The following DPH6 variants were observed in gnomAD, a reference collection of about 807,000 sequenced individuals.
DPH6 encodes diphthamine biosynthesis 6.
DPH6 carries 33 observed loss-of-function variants against 38.2 expected under a neutral mutation model. The ratio of observed to expected loss-of-function variants is 0.86; its 90% CI spans 0.65 to 1.15. The LOEUF (loss-of-function observed/expected upper bound fraction) is 1.15. Among genes scored for constraint, DPH6 ranks in the 50% most tolerant of loss-of-function variants. The pLI is 0.00. For synonymous variants in DPH6, 108 were observed against 103.0 expected (o/e 1.05, Z -0.30); for missense variants, 325 against 320.0 (o/e 1.02, Z -0.12).
intron 3 of DPH6, among the ~76,000 whole-genome samples, chr15:35,273,483 T>C (rs567930305): frequency 1.3e-5 from 2 of 152,352 alleles, no homozygotes; most frequent in Admixed American, 6.5e-5. Flanking sequence ...CATGGTTGTA[T>C]ATATTAGAAA....
At chr15:35,501,104 T>A (rs557495067) in intron 3 of DPH6, among the ~76,000 whole-genome samples, 9 of 152,334 alleles carry the variant, frequency 5.9e-5, no homozygotes, top group African/African-American at 1.9e-4. Flanking sequence ...GAATTTCTCA[T>A]TTCAGAAGAT....
At chr15:35,435,736 A>T (rs1271523415) in intron 5 of DPH6, among the ~76,000 whole-genome samples, 1 of 152,096 alleles carries the variant, frequency 6.6e-6, no homozygotes. Flanking sequence ...AGGAGCAAAA[A>T]ATCTTGCATC....
chr15:35,222,769 T>C (rs986185699), intron 3 of DPH6, among the ~76,000 whole-genome samples: 5 of 152,208 alleles, frequency 3.3e-5, no homozygotes, highest in Admixed American at 3.3e-4. Context: ...TTCTCTCTTT[T>C]GTCCTGTACC....
At chr15:35,309,930 A>AT (rs2052126115) in intron 3 of DPH6, among the ~76,000 whole-genome samples, 1 of 152,142 alleles carries the variant, frequency 6.6e-6, no homozygotes, top group Non-Finnish European at 1.5e-5. Context: ...TCCTGTGTGC[A>AT]TTTTTTGGCT....
chr15:35,507,233 C>T lies in DPH6; in HGVS notation c.312+31041G>A, dbSNP rs191715690. Among the ~76,000 whole-genome samples, 35 of 151,920 alleles carry T rather than the reference C, an allele frequency of 2.3e-4. 1 individual carries two copies. Among genetic ancestry groups the T allele is most frequent in the Admixed American group, 2.0e-3 (30 of 15,262 alleles). On this transcript the variant is annotated intron_variant, in intron 3 of 8. Coordinates refer to ENST00000256538, the MANE Select transcript of DPH6 (RefSeq NM_080650.4). ...CAAGCTAAACTGAAAAAAGAAAACA[C>T]ACAAATTTAATGCATTCATTCTAAA...
exon 4 of DPH6, chr15:35,219,916 A>T (rs939846268): frequency 1.3e-5 from 2 of 152,248 alleles, no homozygotes; most frequent in African/African-American, 4.8e-5. Context: ...TAATTCAAGT[A>T]GTTAAATCAA....
chr15:35,384,614 G>C (rs1054783028), intron 6 of DPH6, among the ~76,000 whole-genome samples: 15 of 152,044 alleles, frequency 9.9e-5, no homozygotes, highest in African/African-American at 3.4e-4. Flanking sequence ...AGTGAGCCGA[G>C]ATCGCACCAT....
At chr15:35,458,904 A>C (rs2054029456) in intron 3 of DPH6, among the ~76,000 whole-genome samples, 2 of 152,186 alleles carry the variant, frequency 1.3e-5, no homozygotes, top group Non-Finnish European at 2.9e-5. Context: ...TTATTCCCAA[A>C]CAGTTCCCGT....
At chr15:35,154,838 T>A in the DPH6 span, among the ~76,000 whole-genome samples, 1 of 152,164 alleles carries the variant, frequency 6.6e-6, no homozygotes, top group Non-Finnish European at 1.5e-5. Context: ...TAAGATATCA[T>A]GCAGAAATAT....
At chr15:35,393,541 A>T (rs531236341) in intron 6 of DPH6, among the ~76,000 whole-genome samples, 1 of 152,260 alleles carries the variant, frequency 6.6e-6, no homozygotes, top group Admixed American at 6.5e-5. Context: ...AATGGCAATA[A>T]ACTGGGGTGG....
intron 1 of DPH6, among the ~76,000 whole-genome samples, chr15:35,545,693 G>A (rs900826487): frequency 6.6e-6 from 1 of 152,104 alleles, no homozygotes; most frequent in East Asian, 1.9e-4. Flanking sequence ...AAGCGAGGGG[G>A]AAAGGGCGAG....
At chr15:35,319,597 C>T (rs1050891561) in intron 3 of DPH6, among the ~76,000 whole-genome samples, 1 of 151,978 alleles carries the variant, frequency 6.6e-6, no homozygotes, top group Admixed American at 6.6e-5. Context: ...AAAAATTAGC[C>T]AGGCGTGTTG....
Position 35,371,777 on chromosome 15 carries a change from C to T in DPH6, c.*373G>A. ...TTTTCATCTTCATTTTCAAATGCCT[C>T]TGCATCATGACATTATTGGTAGGGA... On this transcript the variant is annotated 3_prime_UTR_variant, in exon 9 of 9. Coordinates refer to ENST00000256538, the MANE Select transcript of DPH6 (RefSeq NM_080650.4). The T allele has an allele frequency of 1.0e-6, 1 of 995,500 alleles. No individual in the cohort carries two copies. The highest frequency in any genetic ancestry group is 1.2e-6 in the Non-Finnish European group (1 of 837,182). The allele number at this position is 995,500 out of a possible 1,614,324, so 61.7% of individuals were successfully genotyped here.
chr15:35,475,049 C>T lies in DPH6; in HGVS notation c.313-20229G>A, dbSNP rs548152562. 5.3e-5 allele frequency among the ~76,000 whole-genome samples: 8 copies of T among 151,930 alleles called. No homozygotes were observed. In the East Asian group the frequency reaches 1.2e-3, roughly 22 times the overall value. ...ATTTGATCCTCCTCAGACTTCACCC[C>T]TGCATCTGAATAATGAAGCACTGAA... On this transcript the variant is annotated intron_variant, in intron 3 of 8. Coordinates refer to ENST00000256538, the MANE Select transcript of DPH6 (RefSeq NM_080650.4).
At chr15:35,491,938 CAG>C (rs965879219) in intron 3 of DPH6, among the ~76,000 whole-genome samples, 6 of 150,828 alleles carry the variant, frequency 4.0e-5, no homozygotes, top group Admixed American at 1.3e-4. Flanking sequence ...TAAAAAGAGA[CAG>C]AGAGAGAGAG....
chr15:35,293,685 G>A (rs2051994988), intron 3 of DPH6, among the ~76,000 whole-genome samples: 1 of 152,068 alleles, frequency 6.6e-6, no homozygotes, highest in Admixed American at 6.5e-5. Context: ...GATCTAGCAA[G>A]GGGGAAAAAT....
At chr15:35,243,517 C>G (rs1038028570) in intron 3 of DPH6, among the ~76,000 whole-genome samples, 2 of 145,192 alleles carry the variant, frequency 1.4e-5, no homozygotes, top group African/African-American at 5.0e-5. Context: ...GGTCCTGCCC[C>G]GCCTTAACTG....
At chr15:35,279,663 G>A (rs556972461) in intron 3 of DPH6, among the ~76,000 whole-genome samples, 1 of 152,170 alleles carries the variant, frequency 6.6e-6, no homozygotes, top group South Asian at 2.1e-4. Flanking sequence ...CACCATGATT[G>A]TAAGCTTTCT....
chr15:35,517,492 A>G (rs1440262875), intron 3 of DPH6, among the ~76,000 whole-genome samples: 2 of 152,108 alleles, frequency 1.3e-5, no homozygotes, highest in African/African-American at 4.8e-5. Context: ...TGTAATTTTA[A>G]ACATATTTCT....
Sources: gnomAD v4.1 joint callset for allele counts (sites outside exome capture counted in the v4.1 genomes callset) on GRCh38, gnomAD v4.1.1 for gene constraint, MANE v1.5 for transcripts, NCBI Gene and HGNC (gene_info 2026-07-23, HGNC 2026-07-21) for gene names.